PIK3CB: variants seen among roughly 807,000 people sequenced by gnomAD.
PIK3CB encodes phosphatidylinositol 4,5-bisphosphate 3-kinase catalytic subunit beta isoform.
A neutral mutation model predicts 136.8 loss-of-function variants in PIK3CB; 39 were observed. The ratio of observed to expected loss-of-function variants is 0.29; its 90% CI spans 0.22 to 0.37. The LOEUF (loss-of-function observed/expected upper bound fraction) is 0.37. Ranked by LOEUF, PIK3CB falls within the 10% of genes least tolerant of loss-of-function variation. The pLI is 1.00. For missense variants in PIK3CB, 868 were observed against 1,275.4 expected (o/e 0.68, Z 4.87); for synonymous variants, 428 against 436.6 (o/e 0.98, Z 0.25).
At chr3:138,659,863 CTT>C (rs1287140072) in intron 21 of PIK3CB, among the ~76,000 whole-genome samples, 3 of 128,358 alleles carry the variant, frequency 2.3e-5, no homozygotes, top group East Asian at 2.2e-4. Context: ...CTTCTTTCCT[CTT>C]CTTTTTTTTT....
chr3:138,671,843 G>A (rs1288006156), intron 19 of PIK3CB, among the ~76,000 whole-genome samples: 5 of 152,236 alleles, frequency 3.3e-5, no homozygotes, highest in Admixed American at 6.5e-5. Flanking sequence ...CCATTGGCTG[G>A]GGTTGGGTTG....
At chr3:138,799,115 G>A (rs564979203) in intron 1 of PIK3CB, among the ~76,000 whole-genome samples, 11 of 151,678 alleles carry the variant, frequency 7.3e-5, no homozygotes, top group Non-Finnish European at 1.6e-4. Context: ...CCAGCTACTC[G>A]GGAGGCTGAG....
intron 1 of PIK3CB, among the ~76,000 whole-genome samples, chr3:138,803,978 C>T (rs1272136865): frequency 2.6e-5 from 4 of 152,056 alleles, no homozygotes; most frequent in South Asian, 2.1e-4. Flanking sequence ...AATTTACAAA[C>T]AGGTTAATAC....
intron 4 of PIK3CB, among the ~76,000 whole-genome samples, chr3:138,745,163 T>C (rs1559857460): frequency 6.6e-6 from 1 of 152,194 alleles, no homozygotes; most frequent in South Asian, 2.1e-4. Flanking sequence ...TTCTCTTTCA[T>C]AGAGTACCAT....
intron 13 of PIK3CB, among the ~76,000 whole-genome samples, chr3:138,698,089 T>C (rs1163216970): frequency 2.6e-5 from 4 of 152,154 alleles, no homozygotes; most frequent in African/African-American, 9.7e-5. Flanking sequence ...TACTCTTAAA[T>C]TGAGAAGTGA....
chr3:138,664,221 G>A (rs555983498), intron 20 of PIK3CB, among the ~76,000 whole-genome samples, 192 bp from the exon 21 acceptor site: 2 of 152,216 alleles, frequency 1.3e-5, no homozygotes, highest in Non-Finnish European at 2.9e-5. Context: ...TGAGAGAGCT[G>A]CCTTCAAAGA....
At chr3:138,708,855 C>T (rs2044434936) in intron 10 of PIK3CB, among the ~76,000 whole-genome samples, 1 of 152,114 alleles carries the variant, frequency 6.6e-6, no homozygotes, top group Non-Finnish European at 1.5e-5. Flanking sequence ...TGCAACCTAA[C>T]TGAAATCAAA....
chr3:138,741,204 T>A (rs1245415314), intron 5 of PIK3CB, among the ~76,000 whole-genome samples: 1 of 152,208 alleles, frequency 6.6e-6, no homozygotes, highest in Non-Finnish European at 1.5e-5. Context: ...CAAATACTTA[T>A]TAACATGTTG....
intron 20 of PIK3CB, among the ~76,000 whole-genome samples, chr3:138,664,558 T>G (rs1443046796): frequency 2.0e-5 from 3 of 152,208 alleles, no homozygotes; most frequent in African/African-American, 7.2e-5. Context: ...GACTCTGAAG[T>G]CTTTAGCCAA....
At chr3:138,710,737 G>A (rs554303977) in intron 10 of PIK3CB, among the ~76,000 whole-genome samples, 15 of 152,250 alleles carry the variant, frequency 9.9e-5, no homozygotes, top group African/African-American at 3.4e-4. Context: ...AGAAATAAAA[G>A]CGTGTGGAAG....
intron 19 of PIK3CB, among the ~76,000 whole-genome samples, chr3:138,668,701 A>AAAACAAGTTGTTTTACAACTTG (rs2043464805): frequency 6.6e-6 from 1 of 152,218 alleles, no homozygotes. Context: ...TACAACTTGT[A>AAAACAAGTTGTTTTACAACTTG]TATATTCATG....
At chr3:138,821,734 G>A (rs902284521) in intron 1 of PIK3CB, among the ~76,000 whole-genome samples, 1 of 152,012 alleles carries the variant, frequency 6.6e-6, no homozygotes, top group Admixed American at 6.6e-5. Context: ...GCAGTGAGCC[G>A]AGATGGCGTC....
At chr3:138,739,118 G>A (rs940522962) in intron 5 of PIK3CB, among the ~76,000 whole-genome samples, 10 of 152,114 alleles carry the variant, frequency 6.6e-5, no homozygotes, top group Non-Finnish European at 1.2e-4. Context: ...CATGAGGGCA[G>A]AGTCCTCATG....
intron 21 of PIK3CB, among the ~76,000 whole-genome samples, chr3:138,662,784 A>G (rs928794208): frequency 2.0e-5 from 3 of 152,016 alleles, no homozygotes; most frequent in Non-Finnish European, 2.9e-5. Flanking sequence ...TTGTTTCCTG[A>G]CTTTTTAATG....
intron 4 of PIK3CB, 27 bp downstream of exon 4, chr3:138,755,727 G>A (rs749466534): frequency 1.8e-6 from 2 of 1,092,562 alleles, no homozygotes; most frequent in Non-Finnish European, 2.7e-6. Context: ...TTAAGAATTT[G>A]TACTTTTTTT....
chr3:138,740,398 G>T (rs2045219321), intron 5 of PIK3CB, among the ~76,000 whole-genome samples: 1 of 152,098 alleles, frequency 6.6e-6, no homozygotes, highest in Admixed American at 6.5e-5. Flanking sequence ...CCCTACAATT[G>T]TGAGAAATAA....
At chr3:138,740,557 C>G (rs1005629882) in intron 5 of PIK3CB, among the ~76,000 whole-genome samples, 1 of 152,172 alleles carries the variant, frequency 6.6e-6, no homozygotes, top group African/African-American at 2.4e-5. Context: ...CCTCCTTGAC[C>G]TCACCTCCCA....
At chr3:138,696,955 C>T (rs1433304988) in intron 13 of PIK3CB, among the ~76,000 whole-genome samples, 1 of 152,100 alleles carries the variant, frequency 6.6e-6, no homozygotes, top group African/African-American at 2.4e-5. Context: ...AGAGGTTCAA[C>T]AATGTTGTGG....
chr3:138,674,173 G>A lies in PIK3CB; in HGVS notation c.2504+7794C>T, dbSNP rs186366694. 7.9e-5 allele frequency among the ~76,000 whole-genome samples: 12 copies of A among 151,914 alleles called. No homozygotes were observed. In the East Asian group the frequency reaches 1.9e-3, roughly 24 times the overall value. ...AAAATTACTGGTAGGAATCTAGAAG[G>A]CCGTGTGCATGGATACTATTGTGGA... is the stretch of plus-strand genomic sequence containing the variant. On this transcript the variant is annotated intron_variant, in intron 19 of 23. Transcript: ENST00000674063.
Sources: gnomAD v4.1 joint callset for allele counts (sites outside exome capture counted in the v4.1 genomes callset) on GRCh38, gnomAD v4.1.1 for gene constraint, MANE v1.5 for transcripts, NCBI Gene and HGNC (gene_info 2026-07-23, HGNC 2026-07-21) for gene names.